The following ROBO2 variants were observed in gnomAD, a reference collection of about 807,000 sequenced individuals.
ROBO2 encodes the protein roundabout guidance receptor 2.
A neutral mutation model predicts 160.8 loss-of-function variants in ROBO2; 53 were observed. The observed-to-expected ratio is 0.33, with a 90% CI of 0.26 to 0.41. ROBO2 has a LOEUF of 0.41. Ranked by LOEUF, ROBO2 falls within the 10% of genes least tolerant of loss-of-function variation. The probability of loss-of-function intolerance (pLI) is 1.00; values close to 1 mark genes in which losing one functional copy is unlikely to be tolerated. For missense variants in ROBO2, 1,577 were observed against 1,722.4 expected (o/e 0.92, Z 1.49); for synonymous variants, 664 against 611.7 (o/e 1.09, Z -1.26).
intron 2 of ROBO2, among the ~76,000 whole-genome samples, chr3:76,394,255 T>C (rs1047455298): frequency 6.6e-6 from 1 of 152,184 alleles, no homozygotes; most frequent in African/African-American, 2.4e-5. Context: ...GATTTTGCAG[T>C]GGCTGGTACC....
intron 2 of ROBO2, among the ~76,000 whole-genome samples, chr3:75,985,935 T>A (rs1489887868): frequency 6.6e-6 from 1 of 151,732 alleles, no homozygotes; most frequent in Non-Finnish European, 1.5e-5. Flanking sequence ...ATTTTGCTTA[T>A]CCATTAATCC....
chr3:77,135,564 C>A (rs576029053), intron 2 of ROBO2, among the ~76,000 whole-genome samples: 1 of 151,830 alleles, frequency 6.6e-6, no homozygotes, highest in South Asian at 2.1e-4. Context: ...CCATATCCGG[C>A]TAATTTTTTT....
chr3:76,580,907 T>C (rs1358416634), intron 2 of ROBO2, among the ~76,000 whole-genome samples: 1 of 152,170 alleles, frequency 6.6e-6, no homozygotes, highest in Non-Finnish European at 1.5e-5. Context: ...GGAAGTTCAA[T>C]AGATAAAGCA....
chr3:77,191,867 G>A (rs1036994055), intron 2 of ROBO2, among the ~76,000 whole-genome samples: 20 of 152,158 alleles, frequency 1.3e-4, no homozygotes, highest in Middle Eastern at 3.4e-3. Context: ...AATTTTTCAC[G>A]TTGACATGTC....
At chr3:75,955,922 A>G (rs1948708882) in intron 2 of ROBO2, among the ~76,000 whole-genome samples, 1 of 151,804 alleles carries the variant, frequency 6.6e-6, no homozygotes, top group Admixed American at 6.6e-5. Flanking sequence ...ATAACTTCAT[A>G]TAGTTGTATT....
At chr3:76,188,763 C>T (rs1701875467) in intron 2 of ROBO2, among the ~76,000 whole-genome samples, 1 of 152,100 alleles carries the variant, frequency 6.6e-6, no homozygotes, top group African/African-American at 2.4e-5. Context: ...ATAGTGGTTT[C>T]CTTTTCTGCA....
chr3:77,459,504 C>G (rs2082016286), intron 2 of ROBO2, among the ~76,000 whole-genome samples: 2 of 152,178 alleles, frequency 1.3e-5, no homozygotes, highest in Admixed American at 1.3e-4. Flanking sequence ...GAACTTGGTT[C>G]CTGCCTTTGT....
chr3:76,096,135 C>A (rs1036451151), intron 2 of ROBO2, among the ~76,000 whole-genome samples: 4 of 152,122 alleles, frequency 2.6e-5, no homozygotes, highest in African/African-American at 7.2e-5. Context: ...ATAGGCAGTT[C>A]TCATGTTCTG....
At chr3:76,095,586 C>A (rs137917918) in intron 2 of ROBO2, among the ~76,000 whole-genome samples, 2 of 152,018 alleles carry the variant, frequency 1.3e-5, no homozygotes, top group Non-Finnish European at 2.9e-5. Context: ...CAACACTAAC[C>A]TATTATTAGG....
chr3:75,990,942 C>G (rs977282037), intron 2 of ROBO2, among the ~76,000 whole-genome samples: 8 of 152,070 alleles, frequency 5.3e-5, no homozygotes, highest in African/African-American at 1.9e-4. Flanking sequence ...CACTGAGGTC[C>G]TAAATAGAAC....
chr3:76,719,233 T>C (rs1175539683), intron 2 of ROBO2, among the ~76,000 whole-genome samples: 1 of 152,216 alleles, frequency 6.6e-6, no homozygotes, highest in Non-Finnish European at 1.5e-5. Context: ...GCTGCTAACA[T>C]AGATAAACTG....
intron 2 of ROBO2, among the ~76,000 whole-genome samples, chr3:76,325,966 C>T (rs1576441574): frequency 6.6e-6 from 1 of 152,212 alleles, no homozygotes; most frequent in East Asian, 1.9e-4. Flanking sequence ...ATACATTTCT[C>T]ACTTGAGAAA....
intron 1 of ROBO2, among the ~76,000 whole-genome samples, chr3:75,923,211 T>C (rs575079197): frequency 6.6e-6 from 1 of 152,314 alleles, no homozygotes; most frequent in East Asian, 1.9e-4. Context: ...TCCTTAAATG[T>C]TTTGTTGTTT....
chr3:75,927,318 G>T (rs1018581697), intron 1 of ROBO2, among the ~76,000 whole-genome samples: 1 of 152,188 alleles, frequency 6.6e-6, no homozygotes, highest in Non-Finnish European at 1.5e-5. Context: ...AGCTGGTGTG[G>T]GGTCTCCTGA....
chr3:76,894,882 A>G (rs1372678925), intron 2 of ROBO2, among the ~76,000 whole-genome samples: 1 of 152,188 alleles, frequency 6.6e-6, no homozygotes, highest in Non-Finnish European at 1.5e-5. Context: ...AACCAGAAAC[A>G]AATGGAATTG....
chr3:76,791,534 T>TCA (rs1170836372), intron 2 of ROBO2, among the ~76,000 whole-genome samples: 2 of 151,148 alleles, frequency 1.3e-5, no homozygotes, highest in Non-Finnish European at 3.0e-5. Flanking sequence ...TCTCTCTCTC[T>TCA]CACACACACA....
chr3:76,438,203 A>G (rs1468290459), intron 2 of ROBO2, among the ~76,000 whole-genome samples: 4 of 152,140 alleles, frequency 2.6e-5, no homozygotes, highest in Non-Finnish European at 5.9e-5. Context: ...GAGCCTATCA[A>G]TTGAAAGTTG....
intron 2 of ROBO2, among the ~76,000 whole-genome samples, chr3:76,704,975 A>G (rs2093129878): frequency 2.0e-5 from 3 of 152,226 alleles, no homozygotes; most frequent in African/African-American, 7.2e-5. Context: ...GGGCCTGTGG[A>G]CTTTTTCTGG....
chr3:76,307,843 C>T (rs1183709355), intron 2 of ROBO2, among the ~76,000 whole-genome samples: 2 of 152,076 alleles, frequency 1.3e-5, no homozygotes, highest in Admixed American at 1.3e-4. Flanking sequence ...GCACTTAAAA[C>T]CTCACATATA....
Sources: allele counts gnomAD v4.1 joint callset (sites outside exome capture counted in the v4.1 genomes callset), GRCh38; gene constraint gnomAD v4.1.1; transcripts MANE v1.5; gene names NCBI Gene and HGNC (gene_info 2026-07-23, HGNC 2026-07-21).